LRRC28: variants seen among roughly 807,000 people sequenced by gnomAD.
LRRC28 encodes leucine-rich repeat-containing protein 28.
Under a neutral mutation model 45.7 loss-of-function variants are expected in LRRC28, and 39 were observed. The ratio of observed to expected loss-of-function variants is 0.85; its 90% CI spans 0.66 to 1.12. The LOEUF (loss-of-function observed/expected upper bound fraction) is 1.12, where lower values mean the gene tolerates loss of function less well. LRRC28 is among the 50% of genes most tolerant of loss of function. The probability of loss-of-function intolerance (pLI) is 0.00; values close to 1 mark genes in which losing one functional copy is unlikely to be tolerated. For missense variants in LRRC28, 435 were observed against 438.5 expected (o/e 0.99, Z 0.07); for synonymous variants, 206 against 178.8 (o/e 1.15, Z -1.22).
chr15:99,293,593 C>CCAAAAAAAAAAAAAAAAAAAAAAAA lies in LRRC28; in HGVS notation c.385+5642_385+5643insCAAAAAAAAAAAAAAAAAAAAAAAA, dbSNP rs747700282. ...GGGCAACAAGAACGAAACTCTGTCA[C>CCAAAAAAAAAAAAAAAAAAAAAAAA]AAAAAAAAAAAAAAAAAAAAAAAAA... is the stretch of plus-strand genomic sequence containing the variant. On this transcript the variant is annotated intron_variant, in intron 5 of 9. Coordinates refer to ENST00000301981, the MANE Select transcript of LRRC28 (RefSeq NM_144598.5). 4.5e-4 allele frequency among the ~76,000 whole-genome samples: 20 copies of CCAAAAAAAAAAAAAAAAAAAAAAAA among 44,066 alleles called. 1 individual carries two copies. Among genetic ancestry groups the CCAAAAAAAAAAAAAAAAAAAAAAAA allele is most frequent in the Non-Finnish European group, 6.6e-4 (15 of 22,728 alleles). The allele number at this position is 44,066 out of a possible 152,430, so 28.9% of individuals were successfully genotyped here.
At position 99,364,394 on chromosome 15, in the gene LRRC28, G is replaced by A. The variant is rs1957287427; in HGVS notation, c.1031+1129G>A. ...TCTTTTTCTTCCTCTGGATAATCCT[G>A]TTTTGCTATATTTCACTTCCTATTT... is the stretch of plus-strand genomic sequence containing the variant. On this transcript the variant is annotated intron_variant, in intron 9 of 9. Coordinates refer to ENST00000301981, the MANE Select transcript of LRRC28 (RefSeq NM_144598.5). Among the ~76,000 whole-genome samples, 3 of 152,128 alleles carry A rather than the reference G, an allele frequency of 2.0e-5. 1 individual carries two copies. In the South Asian group the frequency reaches 6.2e-4, roughly 32 times the overall value.
Position 99,388,959 on chromosome 15 carries a change from C to CA in LRRC28, c.*2862dup, listed in dbSNP as rs1468536186. Reference sequence around the variant, plus strand: ...TCAGTATGTCCAATTGTTATCATACCAAAAACCTTAATTACATAACATTGT... The same window carrying CA: ...TCAGTATGTCCAATTGTTATCATACCAAAAAACCTTAATTACATAACATTGT... On this transcript the variant is annotated 3_prime_UTR_variant, in exon 10 of 10. Transcript: ENST00000301981. 2 of 152,174 alleles carry CA rather than the reference C, an allele frequency of 1.3e-5. No individual in the cohort carries two copies. The highest frequency in any genetic ancestry group is 6.5e-5 in the Admixed American group (1 of 15,276). 9.4% of individuals were successfully genotyped at this position (152,174 alleles called of 1,614,324 possible). A position where few individuals can be genotyped will look rare whatever the true frequency, so the allele number is the denominator to read the frequency against.
chr15:99,375,758 T>G (rs1046831335), intron 9 of LRRC28, among the ~76,000 whole-genome samples: 8 of 152,142 alleles, frequency 5.3e-5, no homozygotes, highest in African/African-American at 1.4e-4. Flanking sequence ...AGTATAAAGT[T>G]GTCCCTGGTA....
At chr15:99,258,629 T>A (rs532429555) in intron 2 of LRRC28, 1 of 753,018 alleles carries the variant, frequency 1.3e-6, no homozygotes, top group African/African-American at 1.7e-5. Flanking sequence ...AACTTATGAA[T>A]GATATCAAAC....
intron 5 of LRRC28, among the ~76,000 whole-genome samples, chr15:99,319,659 G>GTT (rs772501941): frequency 0.096 from 14,142 of 148,080 alleles, 935 homozygotes; most frequent in East Asian, 0.31. Context: ...AAACAGTGTG[G>GTT]TTTTTTTTTT....
chr15:99,347,741 A>G (rs1363360724), intron 6 of LRRC28, among the ~76,000 whole-genome samples: 5 of 152,166 alleles, frequency 3.3e-5, no homozygotes, highest in Non-Finnish European at 1.5e-5. Context: ...TGAATATGGG[A>G]GTGCAGATGT....
At chr15:99,279,059 C>T (rs1428051967) in intron 3 of LRRC28, among the ~76,000 whole-genome samples, 1 of 152,204 alleles carries the variant, frequency 6.6e-6, no homozygotes, top group Non-Finnish European at 1.5e-5. Flanking sequence ...AGAGAGTATA[C>T]ACTTTCCCAC....
intron 5 of LRRC28, among the ~76,000 whole-genome samples, chr15:99,329,562 A>T (rs1248308219): frequency 6.6e-6 from 1 of 152,248 alleles, no homozygotes; most frequent in African/African-American, 2.4e-5. Flanking sequence ...TTGAGTCCAT[A>T]AAATTACATT....
intron 9 of LRRC28, among the ~76,000 whole-genome samples, chr15:99,367,612 T>A (rs74033475): frequency 6.6e-6 from 1 of 152,052 alleles, no homozygotes; most frequent in Non-Finnish European, 1.5e-5. Context: ...ACATAAACTT[T>A]GGAGGGGACA....
Position 99,352,416 on chromosome 15 carries a change from A to G in LRRC28, c.640A>G (p.Ile214Val). 1 of 1,614,106 alleles carries G rather than the reference A, an allele frequency of 6.2e-7. No homozygotes were observed. Among genetic ancestry groups the G allele is most frequent in the Non-Finnish European group, 8.5e-7 (1 of 1,180,020 alleles). The change falls in exon 7 of 10, where the codon ATT becomes GTT. Residue 214 changes from isoleucine to valine, a missense_variant. Ile to Val is a conservative substitution (Grantham distance 29). Transcript: ENST00000301981. ...ELQYVYVDNN[I>V]HLKGLPSYLY... ...ACAGTATGTATACGTGGATAACAAC[A>G]TTCACCTGAAAGGCTTGCCATCTTA...
chr15:99,343,126 T>A (rs565676901), intron 6 of LRRC28, among the ~76,000 whole-genome samples: 7 of 152,350 alleles, frequency 4.6e-5, no homozygotes, highest in African/African-American at 1.4e-4. Context: ...TATCTCTGAT[T>A]TATTGAACTA....
chr15:99,364,184 C>T (rs1379848781), intron 9 of LRRC28, among the ~76,000 whole-genome samples: 1 of 152,096 alleles, frequency 6.6e-6, no homozygotes, highest in Admixed American at 6.5e-5. Flanking sequence ...CAAGTCTGGC[C>T]CTTCTGTTGT....
In LRRC28 at chr15:99,386,869, A is replaced by G. The variant is rs1197944204; in HGVS notation, c.*767A>G. Reference sequence around the variant, plus strand: ...TTTTTTATATGAGAAGAATTTGAGGAATATTTGAAGCTTTACAAGATCTGA... The same window carrying G: ...TTTTTTATATGAGAAGAATTTGAGGGATATTTGAAGCTTTACAAGATCTGA... On this transcript the variant is annotated 3_prime_UTR_variant, in exon 10 of 10. Transcript: ENST00000301981. 6.6e-6 allele frequency: 1 copy of G among 152,166 alleles called. No homozygotes were observed. Among genetic ancestry groups the G allele is most frequent in the Non-Finnish European group, 1.5e-5 (1 of 68,026 alleles). 9.4% of individuals were successfully genotyped at this position (152,166 alleles called of 1,614,324 possible). A position where few individuals can be genotyped will look rare whatever the true frequency, so the allele number is the denominator to read the frequency against.
intron 9 of LRRC28, among the ~76,000 whole-genome samples, chr15:99,379,170 A>G (rs1030229332): frequency 3.9e-5 from 6 of 151,982 alleles, no homozygotes; most frequent in Non-Finnish European, 8.8e-5. Context: ...CTGGTCCTGG[A>G]CTTTTTTTGG....
At chr15:99,356,821 G>A (rs1438479825) in intron 7 of LRRC28, among the ~76,000 whole-genome samples, 1 of 152,078 alleles carries the variant, frequency 6.6e-6, no homozygotes. Context: ...TACATACAAA[G>A]GAGTAATTCA....
In LRRC28 at chr15:99,386,160, C is replaced by G. The variant is rs1957983773; in HGVS notation, c.*58C>G. On this transcript the variant is annotated 3_prime_UTR_variant, in exon 10 of 10. Transcript: ENST00000301981. ...CTTGACACTGGGGAATCCAGCCAGT[C>G]CAGCACACTCTTCCATCCTGTCCTG... 1.1e-5 allele frequency: 15 copies of G among 1,314,642 alleles called. No homozygotes were observed. The highest frequency in any genetic ancestry group is 3.6e-4 in the Middle Eastern group (2 of 5,522). The allele number at this position is 1,314,642 out of a possible 1,614,324, so 81.4% of individuals were successfully genotyped here.
chr15:99,301,431 C>T (rs1954965160), intron 5 of LRRC28, among the ~76,000 whole-genome samples: 1 of 152,084 alleles, frequency 6.6e-6, no homozygotes, highest in Non-Finnish European at 1.5e-5. Context: ...CTTATGATAT[C>T]CTGTGAAATT....
chr15:99,377,814 T>C (rs910204902), intron 9 of LRRC28, among the ~76,000 whole-genome samples: 11 of 152,206 alleles, frequency 7.2e-5, no homozygotes, highest in Non-Finnish European at 1.6e-4. Context: ...TTTCCCCATT[T>C]CTTGTTTTTG....
chr15:99,344,053 G>A (rs1430758348), intron 6 of LRRC28, among the ~76,000 whole-genome samples: 3 of 152,146 alleles, frequency 2.0e-5, no homozygotes, highest in African/African-American at 7.2e-5. Context: ...AAACAGCAGA[G>A]CTGCCTGGTT....
Sources: gnomAD v4.1 joint callset for allele counts (sites outside exome capture counted in the v4.1 genomes callset) on GRCh38, gnomAD v4.1.1 for gene constraint, MANE v1.5 for transcripts, NCBI Gene and HGNC (gene_info 2026-07-23, HGNC 2026-07-21) for gene names.